MAGI2: variants seen among roughly 807,000 people sequenced by gnomAD.
The protein encoded by MAGI2 is membrane associated guanylate kinase, WW and PDZ domain containing 2, also known as membrane-associated guanylate kinase, WW and PDZ domain-containing protein 2.
A neutral mutation model predicts 133.3 loss-of-function variants in MAGI2; 35 were observed. The observed-to-expected ratio is 0.26, with a 90% CI of 0.20 to 0.35. The LOEUF (loss-of-function observed/expected upper bound fraction) is 0.35, where lower values mean the gene tolerates loss of function less well. Among genes scored for constraint, MAGI2 ranks in the 10% least tolerant of loss-of-function variants. The pLI is 1.00. For missense variants in MAGI2, 1,636 were observed against 1,863.4 expected, an observed-to-expected ratio of 0.88 and a Z score of 2.25; for synonymous variants, 729 against 710.6, an observed-to-expected ratio of 1.03 and a Z score of -0.41.
At chr7:79,109,476 C>T (rs116505946) in intron 1 of MAGI2, among the ~76,000 whole-genome samples, 1,641 of 152,246 alleles carry the variant, frequency 0.011, 32 homozygotes, top group African/African-American at 0.037. Flanking sequence ...AGGTATCTGG[C>T]GGAAGAAATG....
chr7:78,820,077 G>A (rs960271554), intron 2 of MAGI2, among the ~76,000 whole-genome samples: 19 of 151,930 alleles, frequency 1.3e-4, no homozygotes, highest in African/African-American at 4.1e-4. Context: ...GTCATCGATT[G>A]TTAGTGGGGA....
intron 2 of MAGI2, chr7:78,902,747 T>A (rs551773894): frequency 6.6e-6 from 1 of 152,334 alleles, no homozygotes; most frequent in South Asian, 2.1e-4. Context: ...CTTAATATCC[T>A]TTAGTTAATG....
chr7:79,317,032 T>C (rs1240135529), intron 1 of MAGI2, among the ~76,000 whole-genome samples: 1 of 147,728 alleles, frequency 6.8e-6, no homozygotes, highest in Non-Finnish European at 1.5e-5. Flanking sequence ...TTTTTTTTTT[T>C]TTTTTTTGAG....
intron 2 of MAGI2, among the ~76,000 whole-genome samples, chr7:78,967,862 G>A (rs1034775097): frequency 1.3e-5 from 2 of 151,852 alleles, no homozygotes; most frequent in Non-Finnish European, 2.9e-5. Context: ...ATGGAGTCTC[G>A]CTCTGTCACC....
At chr7:79,154,664 A>C (rs1238565638) in intron 1 of MAGI2, among the ~76,000 whole-genome samples, 2 of 152,170 alleles carry the variant, frequency 1.3e-5, no homozygotes, top group African/African-American at 4.8e-5. Flanking sequence ...CATTACCTCA[A>C]GCAGGAAGGA....
At chr7:79,279,249 T>C (rs1835453246) in intron 1 of MAGI2, among the ~76,000 whole-genome samples, 1 of 152,134 alleles carries the variant, frequency 6.6e-6, no homozygotes. Flanking sequence ...CCTTGCATCT[T>C]GAGTATCTTC....
chr7:78,179,670 A>G lies in MAGI2; in HGVS notation c.2312-1568T>C, dbSNP rs1584284473. 2.6e-5 allele frequency among the ~76,000 whole-genome samples: 4 copies of G among 152,232 alleles called. No homozygotes were observed. The South Asian group carries it at 8.3e-4, about 32-fold the overall frequency. On this transcript the variant is annotated intron_variant, in intron 13 of 21. Coordinates refer to ENST00000354212, the MANE Select transcript of MAGI2 (RefSeq NM_012301.4). ...TGACCAAGACCTTTTCCATTCAATGAATAATATTAAACTCTGCAAGAAGAA... is the reference window on the plus strand; with the variant it reads ...TGACCAAGACCTTTTCCATTCAATGGATAATATTAAACTCTGCAAGAAGAA...
At chr7:78,446,982 T>C (rs1788210051) in intron 6 of MAGI2, among the ~76,000 whole-genome samples, 1 of 152,092 alleles carries the variant, frequency 6.6e-6, no homozygotes, top group African/African-American at 2.4e-5. Context: ...GGATCAGTCA[T>C]TTTGATTATC....
At chr7:79,094,092 G>T (rs1035439915) in intron 1 of MAGI2, among the ~76,000 whole-genome samples, 1 of 152,186 alleles carries the variant, frequency 6.6e-6, no homozygotes, top group Non-Finnish European at 1.5e-5. Flanking sequence ...TGTAGCATGT[G>T]ATGAAATTTG....
intron 3 of MAGI2, among the ~76,000 whole-genome samples, chr7:78,526,531 G>T (rs897255943): frequency 3.3e-5 from 5 of 152,146 alleles, no homozygotes; most frequent in African/African-American, 1.2e-4. Context: ...TTAATTCTGT[G>T]ATATTTGGAA....
At chr7:78,248,007 C>G (rs936566865) in intron 10 of MAGI2, among the ~76,000 whole-genome samples, 5 of 152,108 alleles carry the variant, frequency 3.3e-5, no homozygotes, top group African/African-American at 1.2e-4. Context: ...TAGAGAGGTC[C>G]TCACTGAGAC....
intron 10 of MAGI2, chr7:78,252,089 G>C (rs1792442708): frequency 6.8e-6 from 1 of 146,012 alleles, no homozygotes; most frequent in Admixed American, 7.0e-5. Context: ...AGTGAGCTAT[G>C]ATTGCACCAC....
rs541719231 is a variant in MAGI2, at chr7:78,645,737, CT to C, written c.419-18499del. 6.1e-3 allele frequency among the ~76,000 whole-genome samples: 841 copies of C among 138,880 alleles called. 3 individuals carry two copies. Among genetic ancestry groups the C allele is most frequent in the Non-Finnish European group, 7.5e-3 (477 of 63,542 alleles). 91.1% of individuals were successfully genotyped at this position (138,880 alleles called of 152,430 possible). ...ATAGACACAAACACAAATAGCAAAA[CT>C]TTTTTTTTTTTTTTCCCCGAGACAT... On this transcript the variant is annotated intron_variant, in intron 2 of 21. Coordinates refer to ENST00000354212, the MANE Select transcript of MAGI2 (RefSeq NM_012301.4).
intron 1 of MAGI2, among the ~76,000 whole-genome samples, chr7:79,246,283 G>T (rs116615703): frequency 2.0e-3 from 309 of 152,084 alleles, no homozygotes; most frequent in African/African-American, 7.1e-3. Flanking sequence ...CAAGAAACAT[G>T]GCCTCACCAA....
intron 1 of MAGI2, among the ~76,000 whole-genome samples, chr7:79,284,212 T>C (rs112263060): frequency 1.3e-5 from 2 of 152,104 alleles, no homozygotes; most frequent in African/African-American, 2.4e-5. Flanking sequence ...GGGTCAGCCA[T>C]AGGGTAAAAG....
At chr7:79,048,819 C>T (rs1812412747) in intron 1 of MAGI2, among the ~76,000 whole-genome samples, 1 of 152,048 alleles carries the variant, frequency 6.6e-6, no homozygotes, top group Non-Finnish European at 1.5e-5. Flanking sequence ...ACTAAAAATA[C>T]AAAAATTAGC....
chr7:78,867,666 T>C (rs1223742850), intron 2 of MAGI2, among the ~76,000 whole-genome samples: 1 of 151,328 alleles, frequency 6.6e-6, no homozygotes, highest in Non-Finnish European at 1.5e-5. Flanking sequence ...ATTGTGCACA[T>C]GTACCCTAAA....
intron 6 of MAGI2, among the ~76,000 whole-genome samples, chr7:78,450,382 A>G (rs1788596352): frequency 6.6e-6 from 1 of 152,114 alleles, no homozygotes; most frequent in African/African-American, 2.4e-5. Flanking sequence ...TTAGAAATAT[A>G]AAAGATGGGA....
intron 6 of MAGI2, among the ~76,000 whole-genome samples, chr7:78,456,143 G>A (rs1327378529): frequency 6.6e-6 from 1 of 151,778 alleles, no homozygotes; most frequent in Non-Finnish European, 1.5e-5. Flanking sequence ...CAAGCCAGGA[G>A]TCATAGTTCT....
Sources: allele counts gnomAD v4.1 joint callset (sites outside exome capture counted in the v4.1 genomes callset), GRCh38; gene constraint gnomAD v4.1.1; transcripts MANE v1.5; gene names NCBI Gene and HGNC (gene_info 2026-07-23, HGNC 2026-07-21).